NTNG2: variants seen among roughly 807,000 people sequenced by gnomAD.
The protein encoded by NTNG2 is netrin-G2.
Under a neutral mutation model 47.6 loss-of-function variants are expected in NTNG2, and 15 were observed. The observed-to-expected ratio is 0.32, with a 90% CI of 0.21 to 0.49. NTNG2 has a LOEUF of 0.49. Among genes scored for constraint, NTNG2 ranks in the 20% least tolerant of loss-of-function variants. The pLI, the probability that NTNG2 is intolerant of heterozygous loss-of-function variation, is 0.99. For missense variants in NTNG2, 578 were observed against 764.6 expected (o/e 0.76, Z 2.88); for synonymous variants, 307 against 324.6 (o/e 0.95, Z 0.58).
chr9:132,201,088 CT>C (rs2090315466), intron 3 of NTNG2, among the ~76,000 whole-genome samples: 1 of 152,238 alleles, frequency 6.6e-6, no homozygotes, highest in African/African-American at 2.4e-5. Context: ...CCTGCCTTAC[CT>C]TTCATAAGGT....
At chr9:132,175,177 C>T (rs575914920) in intron 2 of NTNG2, among the ~76,000 whole-genome samples, 1 of 152,212 alleles carries the variant, frequency 6.6e-6, no homozygotes, top group Admixed American at 6.5e-5. Flanking sequence ...AGTCCACTCC[C>T]CCTGCCCACC....
At position 132,243,212 on chromosome 9, in the gene NTNG2, G is replaced by A. The variant is rs902742506; in HGVS notation, c.*1101G>A. The A allele has an allele frequency of 6.6e-6, 1 of 150,436 alleles. No homozygotes were observed. The highest frequency in any genetic ancestry group is 1.5e-5 in the Non-Finnish European group (1 of 67,306). 9.3% of individuals were successfully genotyped at this position (150,436 alleles called of 1,614,324 possible). A position where few individuals can be genotyped will look rare whatever the true frequency, so the allele number is the denominator to read the frequency against. On this transcript the variant is annotated 3_prime_UTR_variant, in exon 8 of 8. Transcript: ENST00000393229. ...ATACTGTGTCTCGGTGGCCACCTCCGATGGATGTGTCATCTCAGACCTGTT... is the reference window on the plus strand; with the variant it reads ...ATACTGTGTCTCGGTGGCCACCTCCAATGGATGTGTCATCTCAGACCTGTT...
At chr9:132,201,325 G>A (rs967952665) in intron 3 of NTNG2, among the ~76,000 whole-genome samples, 34 of 152,262 alleles carry the variant, frequency 2.2e-4, no homozygotes, top group African/African-American at 7.0e-4. Context: ...CTCTGCGGGC[G>A]GCGGGGAGGA....
intron 5 of NTNG2, chr9:132,233,712 G>A (rs1422051966): frequency 2.0e-5 from 3 of 152,206 alleles, no homozygotes; most frequent in African/African-American, 7.2e-5. Flanking sequence ...CAGTAGCTGA[G>A]GGTGAGTTCT....
chr9:132,174,341 T>C (rs374150084), intron 2 of NTNG2, among the ~76,000 whole-genome samples: 2 of 94,648 alleles, frequency 2.1e-5, no homozygotes, highest in South Asian at 7.0e-4. Flanking sequence ...GACAGACAGG[T>C]CGAACCATGC....
At chr9:132,206,674 T>A (rs549315274) in intron 3 of NTNG2, among the ~76,000 whole-genome samples, 82 of 152,212 alleles carry the variant, frequency 5.4e-4, no homozygotes, top group South Asian at 1.4e-3. Context: ...CTCAAAAAAA[T>A]AAATAAATAA....
chr9:132,234,810 A>T (rs1841502968), intron 5 of NTNG2, among the ~76,000 whole-genome samples: 1 of 152,226 alleles, frequency 6.6e-6, no homozygotes, highest in Non-Finnish European at 1.5e-5. Context: ...ACTGAACATC[A>T]TATTAAAGTC....
chr9:132,235,714 C>A lies in NTNG2; in HGVS notation c.1055-3390C>A, dbSNP rs146603714. On this transcript the variant is annotated intron_variant, in intron 5 of 7. Transcript: ENST00000393229. The stretch of plus-strand genomic sequence containing the variant: ...AGGTGGTCCCAGGTGGCCTCCCGTG[C>A]AGAAGGTATGGGGGGGCAAGGCCTG... 8.9e-3 allele frequency among the ~76,000 whole-genome samples: 1,351 copies of A among 152,300 alleles called. 15 individuals are homozygous for A. The highest frequency in any genetic ancestry group is 0.031 in the African/African-American group (1,269 of 41,554).
chr9:132,177,672 T>G (rs1426796930), intron 2 of NTNG2, among the ~76,000 whole-genome samples: 1 of 152,176 alleles, frequency 6.6e-6, no homozygotes, highest in Admixed American at 6.5e-5. Flanking sequence ...GTTTGTTTGT[T>G]TTGGAGTCAG....
At chr9:132,237,857 G>A (rs1385392708) in intron 5 of NTNG2, among the ~76,000 whole-genome samples, 5 of 152,214 alleles carry the variant, frequency 3.3e-5, no homozygotes, top group African/African-American at 1.2e-4. Context: ...ACGGGTCACC[G>A]ATGCTGCTCT....
intron 5 of NTNG2, among the ~76,000 whole-genome samples, chr9:132,235,051 G>A (rs543114681): frequency 5.9e-5 from 9 of 152,312 alleles, no homozygotes; most frequent in African/African-American, 2.2e-4. Flanking sequence ...GTTAGTCTAC[G>A]GGCTGAGCGT....
In NTNG2 at chr9:132,198,358, G is replaced by A; in HGVS notation, c.606G>A (p.Trp202Ter). The change falls in exon 3 of 8, where the codon TGG (tryptophan) becomes TGA (stop). Residue 202 changes from tryptophan (W) to a stop codon, truncating the protein, a stop_gained. Coordinates refer to ENST00000393229, the MANE Select transcript of NTNG2 (RefSeq NM_032536.4). LOFTEE classifies it high-confidence loss of function. ...TCTGCACCGAGGAGTACTCGCGCTG[G>A]GCAGGCTCCAAGAAGGAGAAGCACG... ...RVLCTEEYSRWAGSKKEKHVR... is the reference protein window; with the variant it reads ...RVLCTEEYSR 1 of 1,612,914 alleles carries A rather than the reference G, an allele frequency of 6.2e-7. No homozygotes were observed. Among genetic ancestry groups the A allele is most frequent in the Non-Finnish European group, 8.5e-7 (1 of 1,179,940 alleles).
At chr9:132,241,333 AC>A in intron 7 of NTNG2, 1 of 450,608 alleles carries the variant, frequency 2.2e-6, no homozygotes. Flanking sequence ...GGGGCGGTGG[AC>A]GGGGCCTAGC....
intron 3 of NTNG2, among the ~76,000 whole-genome samples, chr9:132,203,249 A>G (rs1363133404): frequency 6.6e-6 from 1 of 152,178 alleles, no homozygotes; most frequent in Admixed American, 6.5e-5. Context: ...CTGAGGCAGA[A>G]GGATTATTTG....
At position 132,215,955 on chromosome 9, in the gene NTNG2, G is replaced by A. The variant is rs13293206; in HGVS notation, c.858-10894G>A. Among the ~76,000 whole-genome samples, 75,379 of 151,926 alleles carry A rather than the reference G, an allele frequency of 0.5. 18,885 individuals are homozygous for A. The highest frequency in any genetic ancestry group is 0.56 in the South Asian group (2,697 of 4,826). On this transcript the variant is annotated intron_variant, in intron 3 of 7. Coordinates refer to ENST00000393229, the MANE Select transcript of NTNG2 (RefSeq NM_032536.4). This position sits in a 1 kb window ranked among gnomAD's most constrained non-coding sequence, Gnocchi z 4.2. ...GTGCCAGACCCAGTGCTGAGCCCTCGAGGGTACCAGCTCAGCTTGCCCTTC... is the reference window on the plus strand; with the variant it reads ...GTGCCAGACCCAGTGCTGAGCCCTCAAGGGTACCAGCTCAGCTTGCCCTTC...
chr9:132,236,599 T>C lies in NTNG2; in HGVS notation c.1055-2505T>C, dbSNP rs1841645710. 6.6e-6 allele frequency among the ~76,000 whole-genome samples: 1 copy of C among 152,134 alleles called. No individual in the cohort carries two copies. The highest frequency in any genetic ancestry group is 2.4e-5 in the African/African-American group (1 of 41,442). On this transcript the variant is annotated intron_variant, in intron 5 of 7. Coordinates refer to ENST00000393229, the MANE Select transcript of NTNG2 (RefSeq NM_032536.4). This position sits in a 1 kb window ranked among gnomAD's most constrained non-coding sequence, Gnocchi z 4.3. ...GGAAGCTCTGGCGCTGGAAGCATGTTTAGAGAGGGTCTGAGGCTCGGTTCC... is the reference window on the plus strand; with the variant it reads ...GGAAGCTCTGGCGCTGGAAGCATGTCTAGAGAGGGTCTGAGGCTCGGTTCC...
intron 2 of NTNG2, among the ~76,000 whole-genome samples, chr9:132,174,025 C>T (rs1297937243): frequency 2.7e-5 from 4 of 150,398 alleles, no homozygotes; most frequent in African/African-American, 9.8e-5. Flanking sequence ...GACGGATGGA[C>T]GGACAGGCAG....
chr9:132,171,963 A>C (rs1398854236), intron 2 of NTNG2, among the ~76,000 whole-genome samples: 1 of 152,164 alleles, frequency 6.6e-6, no homozygotes, highest in Non-Finnish European at 1.5e-5. Flanking sequence ...GGAAAGTGAG[A>C]TGACTAGAGA....
At chr9:132,165,379 C>T (rs952855837) in intron 1 of NTNG2, among the ~76,000 whole-genome samples, 4 of 152,024 alleles carry the variant, frequency 2.6e-5, no homozygotes, top group Non-Finnish European at 5.9e-5. Flanking sequence ...TAATTGTAAC[C>T]CATTTATAGA....
Sources: allele counts gnomAD v4.1 joint callset (sites outside exome capture counted in the v4.1 genomes callset), GRCh38; gene constraint gnomAD v4.1.1; non-coding constraint Gnocchi (gnomAD v3.1); transcripts MANE v1.5; gene names NCBI Gene and HGNC (gene_info 2026-07-23, HGNC 2026-07-21).